RAI14: variants seen among roughly 807,000 people sequenced by gnomAD.
The protein encoded by RAI14 is ankycorbin.
RAI14 carries 45 observed loss-of-function variants against 115.4 expected under a neutral mutation model. The ratio of observed to expected loss-of-function variants is 0.39; its 90% CI spans 0.31 to 0.50. RAI14 has a LOEUF of 0.50. RAI14 is among the 20% of genes least tolerant of loss of function. The pLI is 0.85. For synonymous variants in RAI14, 371 were observed against 415.4 expected (o/e 0.89, Z 1.30); for missense variants, 939 against 1,131.2 (o/e 0.83, Z 2.44).
At chr5:34,787,698 A>G (rs1752457699) in intron 3 of RAI14, among the ~76,000 whole-genome samples, 1 of 152,098 alleles carries the variant, frequency 6.6e-6, no homozygotes, top group African/African-American at 2.4e-5. Context: ...TTGTGAATAT[A>G]CTAAAAGCAA....
chr5:34,660,346 C>A (rs994434780), intron 1 of RAI14, among the ~76,000 whole-genome samples: 1 of 152,146 alleles, frequency 6.6e-6, no homozygotes, highest in African/African-American at 2.4e-5. Flanking sequence ...GCAGATGAAT[C>A]GCTTGAACCT....
chr5:34,738,828 C>T (rs1479718360), intron 2 of RAI14, among the ~76,000 whole-genome samples: 1 of 152,120 alleles, frequency 6.6e-6, no homozygotes, highest in Non-Finnish European at 1.5e-5. Flanking sequence ...ACAAGTTTTC[C>T]CTTAATTGTA....
At chr5:34,809,999 T>C (rs1755393944) in intron 7 of RAI14, among the ~76,000 whole-genome samples, 1 of 152,172 alleles carries the variant, frequency 6.6e-6, no homozygotes, top group Non-Finnish European at 1.5e-5. Context: ...TGCTGTGAAG[T>C]GACTAGATAG....
intron 2 of RAI14, chr5:34,687,482 A>G: frequency 8.3e-7 from 1 of 1,198,706 alleles, no homozygotes; most frequent in Non-Finnish European, 1.1e-6. Flanking sequence ...TTATCTAACC[A>G]ATCCATAAAA....
chr5:34,715,134 G>A (rs1027261234), intron 2 of RAI14, among the ~76,000 whole-genome samples: 17 of 152,154 alleles, frequency 1.1e-4, no homozygotes, highest in African/African-American at 3.1e-4. Context: ...AGAGTTGTGC[G>A]TGTGAGGGGG....
At chr5:34,709,004 A>G (rs1741071026) in intron 2 of RAI14, among the ~76,000 whole-genome samples, 1 of 151,894 alleles carries the variant, frequency 6.6e-6, no homozygotes, top group Non-Finnish European at 1.5e-5. Flanking sequence ...ATAACTGGGC[A>G]TGGTGGTACA....
chr5:34,678,650 T>G (rs1744172356), intron 1 of RAI14, among the ~76,000 whole-genome samples: 1 of 152,136 alleles, frequency 6.6e-6, no homozygotes, highest in Non-Finnish European at 1.5e-5. Flanking sequence ...ATCTTGGGCT[T>G]TATTTTGTGT....
At chr5:34,764,433 A>T (rs77970386) in intron 3 of RAI14, among the ~76,000 whole-genome samples, 9 of 152,140 alleles carry the variant, frequency 5.9e-5, no homozygotes, top group Admixed American at 2.0e-4. Flanking sequence ...GCAGGACAGG[A>T]TACAGTGAGA....
intron 2 of RAI14, chr5:34,715,982 T>C (rs1365144710): frequency 2.8e-6 from 1 of 355,654 alleles, no homozygotes; most frequent in East Asian, 1.0e-4. Flanking sequence ...GGCAGGAATT[T>C]ATGTATTTGT....
intron 2 of RAI14, among the ~76,000 whole-genome samples, chr5:34,690,254 C>G (rs1032119721): frequency 2.0e-5 from 3 of 152,002 alleles, no homozygotes; most frequent in Admixed American, 2.0e-4. Context: ...TGGTCTGTCT[C>G]AAAATATTTT....
rs543735741 is a variant in RAI14, at chr5:34,682,980, A to T, written c.-48-3892A>T. 2.0e-5 allele frequency among the ~76,000 whole-genome samples: 3 copies of T among 152,266 alleles called. No individual in the cohort carries two copies. The East Asian group carries it at 5.8e-4, about 29-fold the overall frequency. ...TCAGCCTGGGCTTTAGAAGTTTGGG[A>T]TTGAAAATGAGACTGTAAGATCCCA... On this transcript the variant is annotated intron_variant, in intron 1 of 17. Coordinates refer to ENST00000265109, the MANE Select transcript of RAI14 (RefSeq NM_015577.3).
intron 3 of RAI14, among the ~76,000 whole-genome samples, chr5:34,766,023 A>C (rs1749299088): frequency 6.6e-6 from 1 of 152,220 alleles, no homozygotes; most frequent in South Asian, 2.1e-4. Flanking sequence ...TTGAGCTTAC[A>C]AGTATACAAA....
In RAI14 at chr5:34,760,392, C is replaced by T. The variant is rs1748480583; in HGVS notation, c.167+2794C>T. On this transcript the variant is annotated intron_variant, in intron 3 of 17. Coordinates refer to ENST00000265109, the MANE Select transcript of RAI14 (RefSeq NM_015577.3). ...AATCAACCCCAGATGCTCTGAATCA[C>T]TTGGTCTGGGGAGAGGCCCAGGAAT... Among the ~76,000 whole-genome samples the T allele has an allele frequency of 2.0e-5, 3 of 152,154 alleles. No individual in the cohort carries two copies. In the South Asian group the frequency reaches 6.2e-4, roughly 32 times the overall value.
At chr5:34,799,039 CA>C (rs1481424855) in intron 4 of RAI14, among the ~76,000 whole-genome samples, 2 of 152,140 alleles carry the variant, frequency 1.3e-5, no homozygotes, top group African/African-American at 2.4e-5. Flanking sequence ...TGAAAGCATG[CA>C]AAGAGAACAC....
intron 7 of RAI14, among the ~76,000 whole-genome samples, chr5:34,809,596 CAG>C (rs1296265332): frequency 6.8e-6 from 1 of 146,030 alleles, no homozygotes; most frequent in East Asian, 1.9e-4. Flanking sequence ...TGAGCTCTGG[CAG>C]AGAGCTGCAC....
At chr5:34,776,413 G>A (rs2150145623) in intron 3 of RAI14, among the ~76,000 whole-genome samples, 1 of 152,320 alleles carries the variant, frequency 6.6e-6, no homozygotes, top group East Asian at 1.9e-4. Flanking sequence ...AGCTGAAAGA[G>A]TATAATTGAG....
chr5:34,806,820 T>A (rs1301371412), intron 5 of RAI14, among the ~76,000 whole-genome samples: 1 of 152,204 alleles, frequency 6.6e-6, no homozygotes, highest in Non-Finnish European at 1.5e-5. Flanking sequence ...CAGTGGGTTA[T>A]CAAGCCTAGC....
chr5:34,783,383 C>T (rs115572531), intron 3 of RAI14, among the ~76,000 whole-genome samples: 4,569 of 152,232 alleles, frequency 0.03, 232 homozygotes, highest in African/African-American at 0.1. Flanking sequence ...ATCTCTTCCT[C>T]GGCATCTGGC....
chr5:34,754,465 C>A (rs1382355284), intron 2 of RAI14, among the ~76,000 whole-genome samples: 1 of 152,106 alleles, frequency 6.6e-6, no homozygotes, highest in Non-Finnish European at 1.5e-5. Context: ...CGAACTCAAG[C>A]AATCCTTCTG....
Sources: allele counts gnomAD v4.1 joint callset (sites outside exome capture counted in the v4.1 genomes callset), GRCh38; gene constraint gnomAD v4.1.1; transcripts MANE v1.5; gene names NCBI Gene and HGNC (gene_info 2026-07-23, HGNC 2026-07-21).